ZMIZ1: variants seen among roughly 807,000 people sequenced by gnomAD.
ZMIZ1 encodes the protein zinc finger MIZ domain-containing protein 1.
In ZMIZ1, 17 loss-of-function variants were observed where a neutral mutation model predicts 113.9. That is an observed-to-expected ratio of 0.15 (90% CI 0.10 to 0.22). ZMIZ1 has a LOEUF of 0.22. Ranked by LOEUF, ZMIZ1 falls within the 10% of genes least tolerant of loss-of-function variation. The probability of loss-of-function intolerance (pLI) is 1.00; values close to 1 mark genes in which losing one functional copy is unlikely to be tolerated. For missense variants in ZMIZ1, 1,059 were observed against 1,477.8 expected (o/e 0.72, Z 4.65); for synonymous variants, 607 against 603.1 (o/e 1.01, Z -0.09).
At chr10:79,129,239 G>A (rs546764239) in intron 2 of ZMIZ1, among the ~76,000 whole-genome samples, 16 of 152,230 alleles carry the variant, frequency 1.1e-4, no homozygotes, top group Non-Finnish European at 1.8e-4. Flanking sequence ...GACACAGAGA[G>A]TAGTTGAACT....
chr10:79,143,993 T>TC (rs1253140975), intron 3 of ZMIZ1, among the ~76,000 whole-genome samples: 1 of 152,108 alleles, frequency 6.6e-6, no homozygotes, highest in African/African-American at 2.4e-5. Context: ...GAGATGCCCC[T>TC]CCAACTCTGC....
At chr10:79,113,303 G>A (rs1843827500) in intron 1 of ZMIZ1, among the ~76,000 whole-genome samples, 1 of 152,254 alleles carries the variant, frequency 6.6e-6, no homozygotes, top group Admixed American at 6.5e-5. Flanking sequence ...GAGACCGGCA[G>A]CATCCTGGGC....
intron 2 of ZMIZ1, among the ~76,000 whole-genome samples, chr10:79,130,330 C>T (rs1247446265): frequency 6.6e-6 from 1 of 152,240 alleles, no homozygotes; most frequent in Non-Finnish European, 1.5e-5. Context: ...GTGCCCTCCA[C>T]CCTCCAACCC....
At chr10:79,294,936 AGAGAG>A (rs1853773531) in intron 12 of ZMIZ1, 1 of 103,458 alleles carries the variant, frequency 9.7e-6, no homozygotes, top group South Asian at 3.2e-4. Context: ...TCAGGAGGGG[AGAGAG>A]AGGGGGGGGG....
chr10:79,120,013 G>T (rs888105153), intron 2 of ZMIZ1, among the ~76,000 whole-genome samples: 15 of 152,340 alleles, frequency 9.8e-5, no homozygotes, highest in South Asian at 8.3e-4. Flanking sequence ...GATGTGGCAA[G>T]CCCCATAACA....
chr10:79,202,977 T>C (rs1036082041), intron 5 of ZMIZ1, among the ~76,000 whole-genome samples: 3 of 152,224 alleles, frequency 2.0e-5, no homozygotes, highest in African/African-American at 7.2e-5. Flanking sequence ...GAGGATGTTG[T>C]GGGTGATGCA....
intron 10 of ZMIZ1, among the ~76,000 whole-genome samples, chr10:79,291,419 TCTTACTCCTCAAAAC>T (rs1302193828): frequency 6.6e-6 from 1 of 152,268 alleles, no homozygotes; most frequent in Non-Finnish European, 1.5e-5. Context: ...GAGGTGACAT[TCTTACTCCTCAAAAC>T]CTCAAAACAA....
chr10:79,178,694 C>A (rs1161017878), intron 4 of ZMIZ1, among the ~76,000 whole-genome samples: 1 of 152,244 alleles, frequency 6.6e-6, no homozygotes, highest in African/African-American at 2.4e-5. Flanking sequence ...ACCCCTCCCC[C>A]ACCCCCGCAT....
At chr10:79,183,223 C>T (rs540689197) in intron 4 of ZMIZ1, among the ~76,000 whole-genome samples, 2 of 152,350 alleles carry the variant, frequency 1.3e-5, no homozygotes, top group South Asian at 4.1e-4. Context: ...TGGGAATTCA[C>T]GACGTGTCTG....
At chr10:79,079,552 A>G (rs1842589859) in intron 1 of ZMIZ1, among the ~76,000 whole-genome samples, 1 of 152,194 alleles carries the variant, frequency 6.6e-6, no homozygotes, top group African/African-American at 2.4e-5. Flanking sequence ...CCTGCTTCTA[A>G]TCCAGCTTGA....
At chr10:79,221,292 G>C (rs940613954) in intron 7 of ZMIZ1, among the ~76,000 whole-genome samples, 1 of 152,178 alleles carries the variant, frequency 6.6e-6, no homozygotes, top group African/African-American at 2.4e-5. Flanking sequence ...GCGTGTGTGT[G>C]TCCTGGGAGA....
In ZMIZ1 at chr10:79,216,285, G is replaced by A. The variant is rs780298793; in HGVS notation, c.280+11G>A. 14 of 1,580,300 alleles carry A rather than the reference G, an allele frequency of 8.9e-6. No individual in the cohort carries two copies. The highest frequency in any genetic ancestry group is 4.8e-5 in the East Asian group (2 of 41,484). Reference sequence around the variant, plus strand: ...CCCCGAAGTCTGCCGGTAGGTGTCCGTGGGGGACTCTGCGATGTCACTGGG... The same window carrying A: ...CCCCGAAGTCTGCCGGTAGGTGTCCATGGGGGACTCTGCGATGTCACTGGG... On this transcript the variant is annotated intron_variant, in intron 7 of 24. Transcript: ENST00000334512.
At chr10:79,268,206 C>T (rs1335205445) in intron 7 of ZMIZ1, among the ~76,000 whole-genome samples, 1 of 152,228 alleles carries the variant, frequency 6.6e-6, no homozygotes, top group Non-Finnish European at 1.5e-5. Context: ...CTGTGGCTGG[C>T]CCCCACGCTG....
At chr10:79,274,155 C>A (rs1345059813) in intron 7 of ZMIZ1, among the ~76,000 whole-genome samples, 1 of 152,256 alleles carries the variant, frequency 6.6e-6, no homozygotes, top group East Asian at 1.9e-4. Flanking sequence ...GCACTCTTGA[C>A]CCTGCCTGCA....
chr10:79,168,620 C>G (rs1323801675), intron 4 of ZMIZ1, among the ~76,000 whole-genome samples: 1 of 152,202 alleles, frequency 6.6e-6, no homozygotes, highest in Non-Finnish European at 1.5e-5. Flanking sequence ...TGTTAATGTG[C>G]TTGTGGGCCG....
At chr10:79,146,374 G>C (rs1384036129) in intron 3 of ZMIZ1, among the ~76,000 whole-genome samples, 1 of 152,174 alleles carries the variant, frequency 6.6e-6, no homozygotes, top group East Asian at 1.9e-4. Context: ...CCAAGCAACA[G>C]ACCAAAGGCA....
At chr10:79,215,334 G>A (rs1396711424) in intron 6 of ZMIZ1, among the ~76,000 whole-genome samples, 2 of 147,466 alleles carry the variant, frequency 1.4e-5, no homozygotes, top group Non-Finnish European at 3.0e-5. Flanking sequence ...GAGTCTTGCT[G>A]TTCTGCCCAG....
At chr10:79,112,963 TG>T (rs908602564) in intron 1 of ZMIZ1, among the ~76,000 whole-genome samples, 2 of 152,256 alleles carry the variant, frequency 1.3e-5, no homozygotes, top group African/African-American at 4.8e-5. Context: ...TCCTGGCTCC[TG>T]GCTCCCAGCT....
At chr10:79,310,741 C>T (rs1317944250) in intron 23 of ZMIZ1, among the ~76,000 whole-genome samples, 183 bp from the exon 24 acceptor site, 1 of 152,086 alleles carries the variant, frequency 6.6e-6, no homozygotes, top group Non-Finnish European at 1.5e-5. Flanking sequence ...CCCTGATGGG[C>T]GGTTTTGGGG....
Sources: gnomAD v4.1 joint callset for allele counts (sites outside exome capture counted in the v4.1 genomes callset) on GRCh38, gnomAD v4.1.1 for gene constraint, MANE v1.5 for transcripts, NCBI Gene and HGNC (gene_info 2026-07-23, HGNC 2026-07-21) for gene names.